Variants in IFFO2 observed in about 807,000 individuals in gnomAD.
The protein encoded by IFFO2 is intermediate filament family orphan 2.
IFFO2 carries 19 observed loss-of-function variants against 53.5 expected under a neutral mutation model. The observed-to-expected ratio is 0.36, with a 90% confidence interval of 0.25 to 0.52. The LOEUF (loss-of-function observed/expected upper bound fraction) is 0.52. IFFO2 is among the 20% of genes least tolerant of loss of function. The pLI is 0.94. For synonymous variants in IFFO2, 303 were observed against 313.6 expected (o/e 0.97, Z 0.36); for missense variants, 570 against 727.4 (o/e 0.78, Z 2.49).
In IFFO2 at chr1:18,908,655, G is replaced by C; in HGVS notation, c.1460C>G (p.Ser487Cys). 2 of 1,551,334 alleles carry C rather than the reference G, an allele frequency of 1.3e-6. No individual in the cohort carries two copies. The highest frequency in any genetic ancestry group is 1.7e-6 in the Non-Finnish European group (2 of 1,146,678). ...IKGSADRNSP[S>C]PSSVASSDSG... is the part of the protein sequence containing the mutation. Reference sequence around the variant, plus strand: ...GTCGCTGCTGGCCACGGAGCTGGGGGACGGTGAATTCCTGAGAAGCACAAG... The same window carrying C: ...GTCGCTGCTGGCCACGGAGCTGGGGCACGGTGAATTCCTGAGAAGCACAAG... Residue 487 changes from serine to cysteine, a missense_variant, in exon 9 of 9, where the codon TCC (serine) becomes TGC (cysteine). Transcript: ENST00000455833.
intron 1 of IFFO2, among the ~76,000 whole-genome samples, chr1:18,942,674 C>T (rs879061413): frequency 4.6e-5 from 7 of 152,058 alleles, no homozygotes; most frequent in Non-Finnish European, 5.9e-5. Flanking sequence ...TTTTTAATTC[C>T]CCACAATTGA....
In IFFO2 at chr1:18,955,965, T is replaced by TGCCCGC; in HGVS notation, c.362_367dup (p.Gly122_His123insArgGly). 7.6e-7 allele frequency: 1 copy of TGCCCGC among 1,318,662 alleles called. No homozygotes were observed. Among genetic ancestry groups the TGCCCGC allele is most frequent in the Non-Finnish European group, 9.7e-7 (1 of 1,028,632 alleles). The allele number at this position is 1,318,662 out of a possible 1,614,324, so 81.7% of individuals were successfully genotyped here. ...GGCCGCCGCGCCACTGCTGAGGCCG[T>TGCCCGC]GCCCGCCGCCGGGCGCCGGGGGCCG... On this transcript the variant is annotated inframe_insertion, in exon 1 of 9. Coordinates refer to ENST00000455833, the MANE Select transcript of IFFO2 (RefSeq NM_001136265.2).
chr1:18,932,780 TG>T (rs1422283521), intron 1 of IFFO2, among the ~76,000 whole-genome samples: 1 of 152,214 alleles, frequency 6.6e-6, no homozygotes, highest in Non-Finnish European at 1.5e-5. Context: ...GCAGGGTACC[TG>T]GGTGCCAAAC....
At chr1:18,911,347 G>T in intron 7 of IFFO2, 37 bp downstream of exon 7, 1 of 1,094,970 alleles carries the variant, frequency 9.1e-7, no homozygotes, top group Non-Finnish European at 1.3e-6. Flanking sequence ...GACCTCAGGA[G>T]AGCCTCACGA....
At position 18,913,891 on chromosome 1, in the gene IFFO2, T is replaced by C. The variant is rs573183914; in HGVS notation, c.1104-1808A>G. ...TGTCGCCCAGGCTGGAGTGCAGTGG[T>C]GCGATCTCGGCTCACTGCAGGCTCC... On this transcript the variant is annotated intron_variant, in intron 5 of 8. Transcript: ENST00000455833. Among the ~76,000 whole-genome samples, 593 of 152,268 alleles carry C rather than the reference T, an allele frequency of 3.9e-3. 1 individual carries two copies. The highest frequency in any genetic ancestry group is 0.012 in the African/African-American group (490 of 41,560).
intron 1 of IFFO2, among the ~76,000 whole-genome samples, chr1:18,942,846 T>C (rs1016208438): frequency 1.3e-5 from 2 of 149,820 alleles, no homozygotes; most frequent in Admixed American, 6.6e-5. Context: ...ATTTCTTTTT[T>C]TTTTTTTTTT....
intron 1 of IFFO2, among the ~76,000 whole-genome samples, chr1:18,921,440 A>G (rs1936214853): frequency 6.6e-6 from 1 of 152,270 alleles, no homozygotes; most frequent in African/African-American, 2.4e-5. Flanking sequence ...GTGCTGTGCA[A>G]GCACTGCTGC....
intron 1 of IFFO2, among the ~76,000 whole-genome samples, chr1:18,922,591 C>A (rs1936230845): frequency 6.6e-6 from 1 of 152,236 alleles, no homozygotes; most frequent in African/African-American, 2.4e-5. Flanking sequence ...TCCCCCTTTT[C>A]TCCAGCCTTT....
chr1:18,914,767 G>C (rs909228215), intron 5 of IFFO2, among the ~76,000 whole-genome samples: 5 of 147,062 alleles, frequency 3.4e-5, no homozygotes. Flanking sequence ...AAGCTGCAGT[G>C]AGCTGAGATC....
intron 1 of IFFO2, among the ~76,000 whole-genome samples, chr1:18,955,387 G>T (rs1936710488): frequency 6.6e-6 from 1 of 152,218 alleles, no homozygotes; most frequent in African/African-American, 2.4e-5. Flanking sequence ...AGAATTAAAT[G>T]AGATCGCATA....
At chr1:18,954,401 T>A (rs180842140) in intron 1 of IFFO2, among the ~76,000 whole-genome samples, 8 of 152,348 alleles carry the variant, frequency 5.3e-5, no homozygotes, top group African/African-American at 1.9e-4. Flanking sequence ...GGTATAAGGC[T>A]GGCATTTGAA....
At chr1:18,908,866 G>A (rs1397540577) in intron 8 of IFFO2, among the ~76,000 whole-genome samples, 200 bp from the exon 9 acceptor site, 1 of 152,188 alleles carries the variant, frequency 6.6e-6, no homozygotes, top group African/African-American at 2.4e-5. Context: ...ACTTGGTCTG[G>A]CTGTGTTGGC....
chr1:18,955,854 G>T lies in IFFO2; in HGVS notation c.479C>A (p.Thr160Asn). The T allele has an allele frequency of 6.8e-7, 1 of 1,463,100 alleles. No homozygotes were observed. The highest frequency in any genetic ancestry group is 9.0e-7 in the Non-Finnish European group (1 of 1,115,798). 90.6% of individuals were successfully genotyped at this position (1,463,100 alleles called of 1,614,324 possible). The change falls in exon 1 of 9, where the codon ACC (threonine) becomes AAC (asparagine). Residue 160 changes from threonine to asparagine, a missense_variant. Coordinates refer to ENST00000455833, the MANE Select transcript of IFFO2 (RefSeq NM_001136265.2). ...HPQHYGRLPG[T>N]IWSYTQVRRT... ...CCGCACCTGCGTGTAGCTCCAGATG[G>T]TCCCGGGCAGGCGGCCGTAGTGCTG...
chr1:18,914,053 G>T (rs113700072), intron 5 of IFFO2, among the ~76,000 whole-genome samples: 3 of 152,062 alleles, frequency 2.0e-5, no homozygotes, highest in African/African-American at 7.2e-5. Flanking sequence ...GGATGGTCTC[G>T]ATCTCCTGAC....
intron 6 of IFFO2, 77 bp downstream of exon 6, chr1:18,911,886 G>A: frequency 2.6e-6 from 4 of 1,510,704 alleles, no homozygotes; most frequent in Non-Finnish European, 3.6e-6. Context: ...AAAAATAACA[G>A]GGATGAGGGA....
rs1292982073 is a variant in IFFO2 at position 18,947,678 on chromosome 1, G to A, written c.665+7990C>T. 6.6e-6 allele frequency among the ~76,000 whole-genome samples: 1 copy of A among 152,208 alleles called. No individual in the cohort carries two copies. Among genetic ancestry groups the A allele is most frequent in the Non-Finnish European group, 1.5e-5 (1 of 68,002 alleles). On this transcript the variant is annotated intron_variant, in intron 1 of 8. Transcript: ENST00000455833. This position sits in a 1 kb window ranked among gnomAD's most constrained non-coding sequence, Gnocchi z 5.0. Reference sequence around the variant, plus strand: ...CCTGCCAGCCCTGCCAGCCCCCATTGAGACCTTCTCCAAAGAGCAGGGGCC... The same window carrying A: ...CCTGCCAGCCCTGCCAGCCCCCATTAAGACCTTCTCCAAAGAGCAGGGGCC...
chr1:18,932,003 G>A lies in IFFO2; in HGVS notation c.666-10882C>T, dbSNP rs140027911. Reference sequence around the variant, plus strand: ...AGAACCCAGGGTGCAGGAAGGCCTCGGCACACCACCACCTCCACTGCCAAG... The same window carrying A: ...AGAACCCAGGGTGCAGGAAGGCCTCAGCACACCACCACCTCCACTGCCAAG... On this transcript the variant is annotated intron_variant, in intron 1 of 8. Coordinates refer to ENST00000455833, the MANE Select transcript of IFFO2 (RefSeq NM_001136265.2). Among the ~76,000 whole-genome samples the A allele has an allele frequency of 4.5e-3, 685 of 152,276 alleles. 1 individual carries two copies. The highest frequency in any genetic ancestry group is 7.4e-3 in the Non-Finnish European group (503 of 68,026).
In IFFO2 at chr1:18,911,762, C is replaced by T. The variant is rs933896451; in HGVS notation, c.1224+201G>A. On this transcript the variant is annotated intron_variant, in intron 6 of 8. Coordinates refer to ENST00000455833, the MANE Select transcript of IFFO2 (RefSeq NM_001136265.2). ...CCATATTGGCCAGGCTGGTCTCGAA[C>T]TCCCAACCTCAGGTGATCCGCCCAC... Among the ~76,000 whole-genome samples the T allele has an allele frequency of 2.6e-5, 4 of 152,130 alleles. No homozygotes were observed. The South Asian group carries it at 8.3e-4, about 32-fold the overall frequency.
intron 5 of IFFO2, among the ~76,000 whole-genome samples, chr1:18,912,399 G>T (rs1307460054): frequency 6.6e-6 from 1 of 151,984 alleles, no homozygotes; most frequent in East Asian, 1.9e-4. Context: ...TCATTTAACA[G>T]CTATTTCTTG....
Sources: allele counts gnomAD v4.1 joint callset (sites outside exome capture counted in the v4.1 genomes callset), GRCh38; gene constraint gnomAD v4.1.1; non-coding constraint Gnocchi (gnomAD v3.1); transcripts MANE v1.5; gene names NCBI Gene and HGNC (gene_info 2026-07-23, HGNC 2026-07-21).